The following DOCK2 variants were observed in gnomAD, a reference collection of about 807,000 sequenced individuals.
DOCK2 encodes the protein dedicator of cytokinesis protein 2.
Under a neutral mutation model 248.9 loss-of-function variants are expected in DOCK2, and 87 were observed. That is an observed-to-expected ratio of 0.35 (90% CI 0.29 to 0.42). The LOEUF is 0.42. DOCK2 is among the 10% of genes least tolerant of loss of function. The probability of loss-of-function intolerance (pLI) is 1.00; values close to 1 mark genes in which losing one functional copy is unlikely to be tolerated. For synonymous variants in DOCK2, 805 were observed against 821.6 expected, an observed-to-expected ratio of 0.98 and a Z score of 0.35; for missense variants, 1,747 against 2,300.2, an observed-to-expected ratio of 0.76 and a Z score of 4.92.
At chr5:169,718,415 T>A (rs1023260020) in intron 21 of DOCK2, among the ~76,000 whole-genome samples, 2 of 152,218 alleles carry the variant, frequency 1.3e-5, no homozygotes, top group African/African-American at 4.8e-5. Context: ...GTTCTCCTAG[T>A]CAAAAGATTT....
intron 8 of DOCK2, among the ~76,000 whole-genome samples, chr5:169,686,359 G>A (rs987846366): frequency 3.3e-5 from 5 of 152,226 alleles, no homozygotes; most frequent in African/African-American, 1.2e-4. Context: ...CCATGAATCA[G>A]CGAGGTGGCA....
intron 27 of DOCK2, among the ~76,000 whole-genome samples, chr5:169,865,984 C>T (rs1326421334): frequency 6.6e-6 from 1 of 152,068 alleles, no homozygotes; most frequent in African/African-American, 2.4e-5. Context: ...AAGAGTGCCT[C>T]GTCCCTGAGC....
chr5:169,643,044 C>G (rs1308738253), intron 1 of DOCK2, among the ~76,000 whole-genome samples: 1 of 152,178 alleles, frequency 6.6e-6, no homozygotes, highest in East Asian at 1.9e-4. Context: ...CACCACGCAA[C>G]TCCAGAGGAG....
At chr5:169,659,146 C>T (rs535833646) in intron 2 of DOCK2, among the ~76,000 whole-genome samples, 6 of 151,852 alleles carry the variant, frequency 4.0e-5, no homozygotes, top group South Asian at 2.1e-4. Flanking sequence ...GCCACCTTGC[C>T]GGGCTTTCAA....
chr5:169,894,224 C>T (rs185055716), intron 27 of DOCK2, among the ~76,000 whole-genome samples: 5 of 152,092 alleles, frequency 3.3e-5, no homozygotes, highest in Non-Finnish European at 5.9e-5. Context: ...TAGAGAGGTG[C>T]GAGATTTGCC....
In DOCK2 at chr5:169,746,311, G is replaced by A. The variant is rs374051284; in HGVS notation, c.2268-1085G>A. 1.2e-3 allele frequency among the ~76,000 whole-genome samples: 181 copies of A among 152,282 alleles called. 1 individual carries two copies. The highest frequency in any genetic ancestry group is 4.1e-3 in the African/African-American group (169 of 41,554). On this transcript the variant is annotated intron_variant, in intron 22 of 51. Coordinates refer to ENST00000520908, the MANE Select transcript of DOCK2 (RefSeq NM_004946.3). ...CCACAGAAATGAAGTAGAAAGACGGGAAAGAAGGGTGAGGGGAAGGATGGG... is the reference window on the plus strand; with the variant it reads ...CCACAGAAATGAAGTAGAAAGACGGAAAAGAAGGGTGAGGGGAAGGATGGG...
chr5:169,859,958 C>CTTTTT (rs759586059), intron 27 of DOCK2, among the ~76,000 whole-genome samples: 23 of 107,170 alleles, frequency 2.1e-4, no homozygotes, highest in Non-Finnish European at 3.1e-4. Flanking sequence ...GTGGATCCTT[C>CTTTTT]TTTTTTTTTT....
At chr5:169,970,278 T>C (rs1777452808) in intron 27 of DOCK2, among the ~76,000 whole-genome samples, 1 of 152,204 alleles carries the variant, frequency 6.6e-6, no homozygotes, top group Admixed American at 6.5e-5. Flanking sequence ...AAAGACAAAA[T>C]AATTGCTCAA....
intron 44 of DOCK2, among the ~76,000 whole-genome samples, chr5:170,065,564 C>T (rs532213896): frequency 1.3e-5 from 2 of 152,250 alleles, no homozygotes; most frequent in East Asian, 1.9e-4. Flanking sequence ...AAAAGAAAGA[C>T]GTTTATTGGA....
intron 32 of DOCK2, among the ~76,000 whole-genome samples, chr5:170,018,587 G>A (rs935319707): frequency 8.5e-5 from 13 of 152,108 alleles, no homozygotes; most frequent in Non-Finnish European, 1.5e-5. Flanking sequence ...TCAGCAACAC[G>A]GCATGTATTT....
chr5:169,949,086 G>A (rs939367884), intron 27 of DOCK2, among the ~76,000 whole-genome samples: 4 of 152,244 alleles, frequency 2.6e-5, no homozygotes, highest in Non-Finnish European at 5.9e-5. Context: ...AGCAGAGCAT[G>A]TGGATAAAAG....
At chr5:169,708,568 C>CT (rs35842616) in intron 15 of DOCK2, among the ~76,000 whole-genome samples, 80,257 of 144,244 alleles carry the variant, frequency 0.56, 23,203 homozygotes, top group East Asian at 0.76. Context: ...TAGCATTCTT[C>CT]TTTTTTTTTT....
chr5:170,028,238 T>C (rs1755992830), intron 34 of DOCK2, among the ~76,000 whole-genome samples: 1 of 152,234 alleles, frequency 6.6e-6, no homozygotes, highest in African/African-American at 2.4e-5. Context: ...CTGTGGAATG[T>C]GATTGCTATT....
At chr5:169,859,495 A>G (rs1771064491) in intron 27 of DOCK2, among the ~76,000 whole-genome samples, 1 of 152,254 alleles carries the variant, frequency 6.6e-6, no homozygotes, top group African/African-American at 2.4e-5. Flanking sequence ...ATCATAAAAC[A>G]TCTTTGTTTC....
At position 169,957,902 on chromosome 5, in the gene DOCK2, G is replaced by A. The variant is rs149279405; in HGVS notation, c.2800-25166G>A. 2.1e-3 allele frequency among the ~76,000 whole-genome samples: 313 copies of A among 152,308 alleles called. 1 individual carries two copies. Among genetic ancestry groups the A allele is most frequent in the African/African-American group, 7.1e-3 (295 of 41,566 alleles). The stretch of plus-strand genomic sequence containing the variant: ...ACATGCCTATTTGCAGAGACACACT[G>A]AGCTAAGCAGCAAAAGTGGAGGTTT... On this transcript the variant is annotated intron_variant, in intron 27 of 51. Coordinates refer to ENST00000520908, the MANE Select transcript of DOCK2 (RefSeq NM_004946.3).
chr5:169,929,948 G>A (rs1775665538), intron 27 of DOCK2, among the ~76,000 whole-genome samples: 1 of 151,956 alleles, frequency 6.6e-6, no homozygotes, highest in Non-Finnish European at 1.5e-5. Context: ...TTGAAATAGG[G>A]CTAATGTGAC....
chr5:169,734,703 G>A (rs897276338), intron 22 of DOCK2, among the ~76,000 whole-genome samples: 1 of 152,152 alleles, frequency 6.6e-6, no homozygotes, highest in Admixed American at 6.5e-5. Flanking sequence ...ATACAGCATC[G>A]AAGACCAGGG....
intron 27 of DOCK2, among the ~76,000 whole-genome samples, chr5:169,859,574 C>A (rs186381332): frequency 6.6e-6 from 1 of 152,298 alleles, no homozygotes; most frequent in Admixed American, 6.5e-5. Context: ...AAAATGAGAG[C>A]CTTTTCAAGT....
intron 28 of DOCK2, among the ~76,000 whole-genome samples, chr5:169,984,402 G>A (rs1778014541): frequency 6.6e-6 from 1 of 152,128 alleles, no homozygotes; most frequent in South Asian, 2.1e-4. Flanking sequence ...ATTTGTAGGA[G>A]ACCAGGCTCT....
Sources: gnomAD v4.1 joint callset for allele counts (sites outside exome capture counted in the v4.1 genomes callset) on GRCh38, gnomAD v4.1.1 for gene constraint, MANE v1.5 for transcripts, NCBI Gene and HGNC (gene_info 2026-07-23, HGNC 2026-07-21) for gene names.